SSBP2: variants seen among roughly 807,000 people sequenced by gnomAD.
SSBP2 encodes the protein single stranded DNA binding protein 2.
SSBP2 carries 17 observed loss-of-function variants against 61.8 expected under a neutral mutation model. The ratio of observed to expected loss-of-function variants is 0.28; its 90% confidence interval spans 0.19 to 0.41. The LOEUF is 0.41. Ranked by LOEUF, SSBP2 falls within the 10% of genes least tolerant of loss-of-function variation. SSBP2 has a pLI of 1.00. For missense variants in SSBP2, 310 were observed against 458.7 expected (o/e 0.68, Z 2.96); for synonymous variants, 139 against 141.3 (o/e 0.98, Z 0.12).
At chr5:81,654,989 A>G (rs935146364) in intron 1 of SSBP2, among the ~76,000 whole-genome samples, 4 of 151,530 alleles carry the variant, frequency 2.6e-5, no homozygotes, top group African/African-American at 9.7e-5. Flanking sequence ...ATATATACTT[A>G]TATATATTTT....
At chr5:81,463,734 A>G (rs1764695956) in intron 9 of SSBP2, among the ~76,000 whole-genome samples, 1 of 150,416 alleles carries the variant, frequency 6.6e-6, no homozygotes, top group Non-Finnish European at 1.5e-5. Context: ...CAAATCAACC[A>G]CTATTACCAA....
intron 1 of SSBP2, among the ~76,000 whole-genome samples, chr5:81,659,600 T>C (rs1750515642): frequency 6.6e-6 from 1 of 152,144 alleles, no homozygotes; most frequent in South Asian, 2.1e-4. Flanking sequence ...CTAAGTAATG[T>C]ATAGATTTAA....
At chr5:81,634,300 CA>C (rs1385465447) in intron 3 of SSBP2, among the ~76,000 whole-genome samples, 1 of 152,208 alleles carries the variant, frequency 6.6e-6, no homozygotes, top group Non-Finnish European at 1.5e-5. Flanking sequence ...TAAACTCAAC[CA>C]ATTGCCAATC....
rs184249130 is a variant in SSBP2, at chr5:81,658,693, C to T, written c.63-8354G>A. On this transcript the variant is annotated intron_variant, in intron 1 of 16. Transcript: ENST00000320672. ...CCTCTGCCTCACTCATTTAACTTAA[C>T]GTAATGTCCTCCAGGTTCATCCATG... Among the ~76,000 whole-genome samples, 71 of 152,202 alleles carry T rather than the reference C, an allele frequency of 4.7e-4. No individual in the cohort carries two copies. In the East Asian group the frequency reaches 9.1e-3, roughly 19 times the overall value.
At chr5:81,451,539 G>A (rs1487424809) in intron 10 of SSBP2, among the ~76,000 whole-genome samples, 1 of 152,142 alleles carries the variant, frequency 6.6e-6, no homozygotes, top group African/African-American at 2.4e-5. Context: ...CGATTGTCCT[G>A]CCTCAGCCTC....
intron 1 of SSBP2, among the ~76,000 whole-genome samples, chr5:81,688,495 C>T (rs1312516437): frequency 6.6e-6 from 1 of 152,216 alleles, no homozygotes; most frequent in Non-Finnish European, 1.5e-5. Flanking sequence ...AGCTTCATGT[C>T]TGACCCAGTG....
intron 1 of SSBP2, among the ~76,000 whole-genome samples, chr5:81,657,499 G>A (rs1750328530): frequency 6.6e-6 from 1 of 152,160 alleles, no homozygotes; most frequent in African/African-American, 2.4e-5. Flanking sequence ...ATGGCTACTG[G>A]TAGAAACATT....
chr5:81,737,313 AAGTAT>A (rs1204071267), intron 1 of SSBP2, among the ~76,000 whole-genome samples: 1 of 133,026 alleles, frequency 7.5e-6, no homozygotes, highest in Non-Finnish European at 1.6e-5. Context: ...AAAAAAAAAA[AAGTAT>A]GTCCCCTTCC....
At chr5:81,734,742 C>T (rs904541383) in intron 1 of SSBP2, among the ~76,000 whole-genome samples, 3 of 151,990 alleles carry the variant, frequency 2.0e-5, no homozygotes, top group Admixed American at 6.6e-5. Flanking sequence ...GAGGCCGAGG[C>T]GGGCAGATCA....
chr5:81,615,461 A>G lies in SSBP2; in HGVS notation c.282+12T>C. ...TGACAGTGTAACTTTGTAAAATTAT[A>G]TGTTAACTTACGTAATCATGGAAGG... On this transcript the variant is annotated intron_variant, in intron 4 of 16. Transcript: ENST00000320672. 6.2e-7 allele frequency: 1 copy of G among 1,600,038 alleles called. No homozygotes were observed. The highest frequency in any genetic ancestry group is 1.1e-5 in the South Asian group (1 of 90,634).
chr5:81,451,854 C>G (rs1402912435), intron 10 of SSBP2, among the ~76,000 whole-genome samples: 1 of 152,182 alleles, frequency 6.6e-6, no homozygotes, highest in Non-Finnish European at 1.5e-5. Context: ...TTTTTTGCCC[C>G]GTCAAGCTCT....
chr5:81,741,962 G>C (rs771993168), intron 1 of SSBP2, among the ~76,000 whole-genome samples: 11 of 152,084 alleles, frequency 7.2e-5, no homozygotes, highest in Non-Finnish European at 1.6e-4. Context: ...CATTATAAAA[G>C]AGGCAGCTGT....
chr5:81,616,959 C>T (rs1317008729), intron 3 of SSBP2, among the ~76,000 whole-genome samples: 1 of 143,024 alleles, frequency 7.0e-6, no homozygotes, highest in Non-Finnish European at 1.5e-5. Context: ...TGTACATCAC[C>T]ATCATCAAAG....
chr5:81,491,387 A>G (rs1766842251), intron 5 of SSBP2, among the ~76,000 whole-genome samples: 1 of 152,272 alleles, frequency 6.6e-6, no homozygotes, highest in African/African-American at 2.4e-5. Flanking sequence ...CACTTGAAAC[A>G]GAAGAACACT....
chr5:81,682,529 A>G (rs1252795443), intron 1 of SSBP2, among the ~76,000 whole-genome samples: 3 of 152,210 alleles, frequency 2.0e-5, no homozygotes, highest in Admixed American at 2.0e-4. Context: ...AACTTCCTCA[A>G]CTTGATGAAG....
At chr5:81,741,837 G>GT (rs1757045121) in intron 1 of SSBP2, among the ~76,000 whole-genome samples, 1 of 152,186 alleles carries the variant, frequency 6.6e-6, no homozygotes, top group African/African-American at 2.4e-5. Context: ...TTAACACACT[G>GT]TAACAATATT....
chr5:81,646,275 G>C (rs1454399400), intron 2 of SSBP2, among the ~76,000 whole-genome samples: 2 of 152,020 alleles, frequency 1.3e-5, no homozygotes, highest in African/African-American at 4.8e-5. Context: ...TGGAAGAAGT[G>C]GTCTACTTCT....
intron 3 of SSBP2, 121 bp from the exon 4 acceptor site, chr5:81,615,678 T>G (rs568257879): frequency 3.5e-5 from 21 of 605,614 alleles, no homozygotes; most frequent in Admixed American, 2.4e-4. Flanking sequence ...AGAACAGATA[T>G]CTATCTGAAA....
intron 2 of SSBP2, among the ~76,000 whole-genome samples, chr5:81,649,769 A>G (rs1749573800): frequency 2.0e-5 from 3 of 152,020 alleles, no homozygotes; most frequent in African/African-American, 7.3e-5. Flanking sequence ...CTTATCTAAA[A>G]TAAAAGTTGA....
Sources: gnomAD v4.1 joint callset for allele counts (sites outside exome capture counted in the v4.1 genomes callset) on GRCh38, gnomAD v4.1.1 for gene constraint, MANE v1.5 for transcripts, NCBI Gene and HGNC (gene_info 2026-07-23, HGNC 2026-07-21) for gene names.